The following ADGRB3 variants were observed in gnomAD, a reference collection of about 807,000 sequenced individuals.
The protein encoded by ADGRB3 is adhesion G protein-coupled receptor B3, also known as brain-specific angiogenesis inhibitor 3.
In ADGRB3, 37 loss-of-function variants were observed where a neutral mutation model predicts 193.4. The observed-to-expected ratio is 0.19, with a 90% CI of 0.15 to 0.25. The LOEUF is 0.25. ADGRB3 is among the 10% of genes least tolerant of loss of function. ADGRB3 has a pLI of 1.00. For missense variants in ADGRB3, 1,637 were observed against 1,852.9 expected (o/e 0.88, Z 2.14); for synonymous variants, 690 against 644.2 (o/e 1.07, Z -1.08).
chr6:68,715,142 A>G (rs1257492556), intron 3 of ADGRB3, among the ~76,000 whole-genome samples: 1 of 151,792 alleles, frequency 6.6e-6, no homozygotes, highest in Non-Finnish European at 1.5e-5. Flanking sequence ...GTCTGATAAG[A>G]AAATAATTGG....
chr6:68,956,907 A>G (rs1175017533), intron 8 of ADGRB3, 98 bp downstream of exon 8: 1 of 1,329,554 alleles, frequency 7.5e-7, no homozygotes, highest in South Asian at 1.5e-5. Context: ...ATATTCCTCA[A>G]CTAAAGAACT....
intron 3 of ADGRB3, among the ~76,000 whole-genome samples, chr6:68,875,035 CTTT>C (rs1256162048): frequency 4.0e-5 from 6 of 149,424 alleles, no homozygotes; most frequent in African/African-American, 1.5e-4. Flanking sequence ...TTCTTTCTTT[CTTT>C]CCTCCTTCCT....
At chr6:68,897,501 A>G (rs113391491) in intron 3 of ADGRB3, among the ~76,000 whole-genome samples, 7 of 9,440 alleles carry the variant, frequency 7.4e-4, no homozygotes, top group South Asian at 3.3e-3. Context: ...GAGGGAGGGA[A>G]GAGGAAGGAA....
chr6:68,745,905 T>C (rs143937935), intron 3 of ADGRB3, among the ~76,000 whole-genome samples: 1 of 151,982 alleles, frequency 6.6e-6, no homozygotes, highest in Admixed American at 6.6e-5. Context: ...AATGATACTG[T>C]TGATGATGAT....
intron 17 of ADGRB3, among the ~76,000 whole-genome samples, chr6:69,135,943 C>T (rs781457143): frequency 1.1e-4 from 16 of 152,080 alleles, no homozygotes; most frequent in Non-Finnish European, 1.9e-4. Flanking sequence ...AGGAAATGTA[C>T]GAAGACATAA....
intron 3 of ADGRB3, among the ~76,000 whole-genome samples, chr6:68,825,156 C>T (rs1178996478): frequency 1.3e-5 from 2 of 152,236 alleles, no homozygotes; most frequent in East Asian, 3.9e-4. Flanking sequence ...TGTGCCCCGC[C>T]AATCTGAGCC....
chr6:69,008,317 A>G (rs2150282741), intron 11 of ADGRB3, among the ~76,000 whole-genome samples: 1 of 152,272 alleles, frequency 6.6e-6, no homozygotes, highest in East Asian at 1.9e-4. Flanking sequence ...GAACAGCCAA[A>G]TATAGAGAAG....
intron 6 of ADGRB3, among the ~76,000 whole-genome samples, chr6:68,947,726 G>A (rs76336389): frequency 0.1 from 15,213 of 152,056 alleles, 1,042 homozygotes; most frequent in Middle Eastern, 0.15. Context: ...CATAGGATGG[G>A]TATTACTATT....
chr6:68,711,425 A>G (rs182724873), intron 3 of ADGRB3, among the ~76,000 whole-genome samples: 1 of 152,288 alleles, frequency 6.6e-6, no homozygotes, highest in East Asian at 1.9e-4. Flanking sequence ...GTTGAGAATT[A>G]TGAAAATGCC....
intron 17 of ADGRB3, among the ~76,000 whole-genome samples, chr6:69,197,542 A>G (rs1296948050): frequency 6.6e-6 from 1 of 152,052 alleles, no homozygotes; most frequent in African/African-American, 2.4e-5. Context: ...TGAGCATAAT[A>G]ATTCACGGAA....
At chr6:68,982,785 A>G (rs1473108558) in intron 10 of ADGRB3, among the ~76,000 whole-genome samples, 2 of 152,130 alleles carry the variant, frequency 1.3e-5, no homozygotes, top group Non-Finnish European at 2.9e-5. Flanking sequence ...AATTTTCACT[A>G]TATTTTTCCA....
intron 13 of ADGRB3, among the ~76,000 whole-genome samples, chr6:69,035,561 G>A (rs1448705149): frequency 1.3e-5 from 2 of 152,094 alleles, no homozygotes; most frequent in Non-Finnish European, 2.9e-5. Flanking sequence ...AGGATGGGGA[G>A]ACCCTGAAAA....
At chr6:68,756,619 C>T (rs1037305767) in intron 3 of ADGRB3, among the ~76,000 whole-genome samples, 6 of 152,214 alleles carry the variant, frequency 3.9e-5, no homozygotes, top group South Asian at 2.1e-4. Flanking sequence ...TGACGCGGGG[C>T]ATGCCTGGGC....
At chr6:68,682,805 C>A (rs1764918806) in intron 3 of ADGRB3, among the ~76,000 whole-genome samples, 2 of 148,636 alleles carry the variant, frequency 1.3e-5, no homozygotes, top group Admixed American at 6.7e-5. Context: ...GAGATGGAGT[C>A]TCCCTCTTGA....
chr6:68,901,703 T>C (rs981142236), intron 3 of ADGRB3, among the ~76,000 whole-genome samples: 3 of 152,152 alleles, frequency 2.0e-5, no homozygotes, highest in Non-Finnish European at 4.4e-5. Context: ...AAAAAGTCCT[T>C]AAAATAGCTA....
At chr6:69,004,464 G>A (rs1333250474) in intron 11 of ADGRB3, among the ~76,000 whole-genome samples, 1 of 151,316 alleles carries the variant, frequency 6.6e-6, no homozygotes, top group African/African-American at 2.4e-5. Flanking sequence ...TGCACAACGT[G>A]CAGGTTTGTT....
intron 20 of ADGRB3, among the ~76,000 whole-genome samples, chr6:69,287,210 C>T (rs965403706): frequency 1.3e-5 from 2 of 152,022 alleles, no homozygotes; most frequent in Non-Finnish European, 2.9e-5. Context: ...AAGTTTATGC[C>T]ACTTGTGTTC....
At chr6:69,035,387 TAGTAAGATGA>T (rs1770838499) in intron 13 of ADGRB3, among the ~76,000 whole-genome samples, 1 of 152,070 alleles carries the variant, frequency 6.6e-6, no homozygotes, top group Non-Finnish European at 1.5e-5. Context: ...TGTTTTATTT[TAGTAAGATGA>T]AGTAAGTATC....
chr6:68,958,766 T>A (rs1415424853), intron 8 of ADGRB3, among the ~76,000 whole-genome samples: 1 of 152,096 alleles, frequency 6.6e-6, no homozygotes, highest in Non-Finnish European at 1.5e-5. Flanking sequence ...AAAATAACCA[T>A]AAATTACTTA....
Sources: allele counts gnomAD v4.1 joint callset (sites outside exome capture counted in the v4.1 genomes callset), GRCh38; gene constraint gnomAD v4.1.1; transcripts MANE v1.5; gene names NCBI Gene and HGNC (gene_info 2026-07-23, HGNC 2026-07-21).